PPP2R2B: variants seen among roughly 807,000 people sequenced by gnomAD.
PPP2R2B encodes the protein serine/threonine-protein phosphatase 2A 55 kDa regulatory subunit B beta isoform.
Under a neutral mutation model 46.0 loss-of-function variants are expected in PPP2R2B, and 5 were observed. The observed-to-expected ratio is 0.11, with a 90% CI of 0.06 to 0.23. PPP2R2B has a LOEUF of 0.23. Ranked by LOEUF, PPP2R2B falls within the 10% of genes least tolerant of loss-of-function variation. PPP2R2B has a pLI of 1.00. For synonymous variants in PPP2R2B, 215 were observed against 206.7 expected (o/e 1.04, Z -0.34); for missense variants, 367 against 575.0 (o/e 0.64, Z 3.70).
rs776071606 is a variant in PPP2R2B, at chr5:146,701,031, T to C, written c.168+14A>G. 19 of 1,595,922 alleles carry C rather than the reference T, an allele frequency of 1.2e-5. No homozygotes were observed. The highest frequency in any genetic ancestry group is 1.6e-5 in the Non-Finnish European group (19 of 1,163,536). ...AGTGAAGAAAATGGGCATTTTGCAT[T>C]CACCACCACTTACCTCCTGCTCTCG... On this transcript the variant is annotated intron_variant, in intron 3 of 9. Coordinates refer to ENST00000394411, the MANE Select transcript of PPP2R2B (RefSeq NM_181675.4).
intron 2 of PPP2R2B, among the ~76,000 whole-genome samples, chr5:146,807,746 A>G (rs1454164777): frequency 1.5e-5 from 2 of 129,130 alleles, no homozygotes; most frequent in Non-Finnish European, 3.1e-5. Context: ...GCCCTCTCCA[A>G]CTCCTTGGTT....
At chr5:147,016,102 A>C (rs1172620000) in intron 1 of PPP2R2B, among the ~76,000 whole-genome samples, 3 of 151,574 alleles carry the variant, frequency 2.0e-5, no homozygotes, top group Non-Finnish European at 4.4e-5. Context: ...CACAGAGGCC[A>C]AGGCAGGTAC....
intron 2 of PPP2R2B, among the ~76,000 whole-genome samples, chr5:146,780,579 C>T (rs1473341030): frequency 6.6e-6 from 1 of 152,168 alleles, no homozygotes; most frequent in African/African-American, 2.4e-5. Context: ...ATTCCCCTTT[C>T]CAGCCTATGC....
rs576191297 is a variant in PPP2R2B at position 146,872,257 on chromosome 5, T to C, written c.70+5745A>G. Among the ~76,000 whole-genome samples, 10 of 152,356 alleles carry C rather than the reference T, an allele frequency of 6.6e-5. No homozygotes were observed. The South Asian group carries it at 1.0e-3, about 16-fold the overall frequency. On this transcript the variant is annotated intron_variant, in intron 2 of 9. Transcript: ENST00000394411. The stretch of plus-strand genomic sequence containing the variant: ...GATTTTCAATGCATTCTGGTTATTA[T>C]GTTTAGTAGCAGAACATTTCCCATC...
rs189352446 is a variant in PPP2R2B at position 146,887,352 on chromosome 5, T to A, written c.79+168313A>T. Among the ~76,000 whole-genome samples, 243 of 152,234 alleles carry A rather than the reference T, an allele frequency of 1.6e-3. 3 individuals are homozygous for A. Among genetic ancestry groups the A allele is most frequent in the African/African-American group, 5.7e-3 (236 of 41,558 alleles). Reference sequence around the variant, plus strand: ...TTTTTATTCCATTTGCAAAAAGAGTTTTAATGTGTTCTTTAAGAAATAAAT... The same window carrying A: ...TTTTTATTCCATTTGCAAAAAGAGTATTAATGTGTTCTTTAAGAAATAAAT... On this transcript the variant is annotated intron_variant, in intron 1 of 8. Coordinates refer to the PPP2R2B transcript ENST00000336640.
chr5:146,805,003 C>A (rs1181290200), intron 2 of PPP2R2B, among the ~76,000 whole-genome samples: 1 of 152,110 alleles, frequency 6.6e-6, no homozygotes, highest in Admixed American at 6.6e-5. Context: ...CTGTTGGGTC[C>A]CAAGATGGCA....
At chr5:147,060,697 G>A (rs1054090342), upstream of PPP2R2B, among the ~76,000 whole-genome samples, 2 of 152,058 alleles carry the variant, frequency 1.3e-5, no homozygotes, top group Non-Finnish European at 2.9e-5. Context: ...TCTCTTCTTC[G>A]GGTATAATAA....
At chr5:147,020,725 T>C (rs990698918) in intron 1 of PPP2R2B, among the ~76,000 whole-genome samples, 3 of 152,184 alleles carry the variant, frequency 2.0e-5, no homozygotes, top group Non-Finnish European at 2.9e-5. Flanking sequence ...GAATCTGGTA[T>C]TACTATACTT....
At chr5:146,987,196 A>T (rs1314027279) in intron 1 of PPP2R2B, among the ~76,000 whole-genome samples, 1 of 152,170 alleles carries the variant, frequency 6.6e-6, no homozygotes, top group Admixed American at 6.5e-5. Context: ...ACTTTCTCAG[A>T]CAAACAAAAG....
At chr5:147,065,804 CTG>C (rs1337083398) in intron 2 of PPP2R2B, among the ~76,000 whole-genome samples, 1 of 152,064 alleles carries the variant, frequency 6.6e-6, no homozygotes, top group African/African-American at 2.4e-5. Context: ...GAGGAAGAAA[CTG>C]GAGTTTACTA....
At chr5:146,964,264 A>T (rs1473496523) in intron 1 of PPP2R2B, among the ~76,000 whole-genome samples, 1 of 152,186 alleles carries the variant, frequency 6.6e-6, no homozygotes, top group Non-Finnish European at 1.5e-5. Flanking sequence ...CTGTTCATAG[A>T]TCTGACAGTC....
At chr5:146,964,968 T>G (rs150539157) in intron 1 of PPP2R2B, among the ~76,000 whole-genome samples, 2,083 of 152,284 alleles carry the variant, frequency 0.014, 52 homozygotes, top group African/African-American at 0.047. Flanking sequence ...ATGAAGATAA[T>G]ATACCATTTG....
chr5:146,627,663 G>A (rs1335045528), intron 7 of PPP2R2B, among the ~76,000 whole-genome samples: 1 of 152,128 alleles, frequency 6.6e-6, no homozygotes, highest in Non-Finnish European at 1.5e-5. Flanking sequence ...ACCTACATGG[G>A]TTCAAATCTT....
At chr5:146,890,805 A>G (rs2151428327) in intron 1 of PPP2R2B, among the ~76,000 whole-genome samples, 1 of 152,324 alleles carries the variant, frequency 6.6e-6, no homozygotes, top group South Asian at 2.1e-4. Flanking sequence ...GAAAAGTAGC[A>G]TAGGCCCTGA....
At chr5:146,878,813 A>G (rs749218552), upstream of PPP2R2B, 24 of 1,275,040 alleles carry the variant, frequency 1.9e-5, no homozygotes, top group Non-Finnish European at 2.5e-5. The surrounding 1 kb of genome is among the most constrained non-coding windows in gnomAD (Gnocchi z 4.5). Flanking sequence ...CAACCGCGTC[A>G]GCAGCCCCAC....
intron 1 of PPP2R2B, among the ~76,000 whole-genome samples, chr5:147,004,808 A>T (rs1754357860): frequency 6.6e-6 from 1 of 152,298 alleles, no homozygotes; most frequent in East Asian, 1.9e-4. Flanking sequence ...GAGAACAGGA[A>T]TAGCTCTTGT....
At position 147,010,971 on chromosome 5, in the gene PPP2R2B, C is replaced by T. The variant is rs1466485333; in HGVS notation, c.79+44694G>A. Among the ~76,000 whole-genome samples the T allele has an allele frequency of 2.0e-5, 3 of 152,158 alleles. No homozygotes were observed. The East Asian group carries it at 5.8e-4, about 29-fold the overall frequency. ...TATCCTTCAGAAACCTGACTCAGGC[C>T]TTGGCACTTCTCTACTCAAAACCCT... On this transcript the variant is annotated intron_variant, in intron 1 of 8. Coordinates refer to the PPP2R2B transcript ENST00000336640.
chr5:146,888,592 A>G (rs1182018503), intron 1 of PPP2R2B, among the ~76,000 whole-genome samples: 1 of 152,192 alleles, frequency 6.6e-6, no homozygotes, highest in Non-Finnish European at 1.5e-5. Context: ...TTTTCCGCTC[A>G]AAGGCTTTTA....
chr5:146,922,199 G>A (rs1179446302), intron 1 of PPP2R2B: 1 of 152,216 alleles, frequency 6.6e-6, no homozygotes, highest in Non-Finnish European at 1.5e-5. Context: ...ATATCAATTA[G>A]CTTCTGCATC....
Sources: allele counts gnomAD v4.1 joint callset (sites outside exome capture counted in the v4.1 genomes callset), GRCh38; gene constraint gnomAD v4.1.1; non-coding constraint Gnocchi (gnomAD v3.1); transcripts MANE v1.5; gene names NCBI Gene and HGNC (gene_info 2026-07-23, HGNC 2026-07-21).